The following SUPT3H variants were observed in gnomAD, a reference collection of about 807,000 sequenced individuals.
SUPT3H encodes SPT3 homolog, SAGA and STAGA complex component, also known as transcription initiation protein SPT3 homolog.
A neutral mutation model predicts 44.3 loss-of-function variants in SUPT3H; 44 were observed. That is an observed-to-expected ratio of 0.99 (90% CI 0.78 to 1.28). The LOEUF (loss-of-function observed/expected upper bound fraction) is 1.28. SUPT3H is among the 50% of genes most tolerant of loss of function. The probability of loss-of-function intolerance (pLI) is 0.00; values close to 1 mark genes in which losing one functional copy is unlikely to be tolerated. For synonymous variants in SUPT3H, 124 were observed against 125.6 expected (o/e 0.99, Z 0.09); for missense variants, 380 against 387.1 (o/e 0.98, Z 0.15).
chr6:45,003,840 T>C (rs1562239979), intron 5 of SUPT3H, 48 bp from the exon 6 acceptor site: 3 of 1,598,200 alleles, frequency 1.9e-6, no homozygotes, highest in African/African-American at 1.3e-5. Flanking sequence ...TCAATAGGTT[T>C]ACATCAGCAC....
chr6:45,200,634 T>C (rs184846898), intron 2 of SUPT3H, among the ~76,000 whole-genome samples: 1 of 151,498 alleles, frequency 6.6e-6, no homozygotes, highest in African/African-American at 2.4e-5. Flanking sequence ...TTAGAGACAA[T>C]AAAAAATGAA....
chr6:45,176,142 T>A (rs1811778493), intron 2 of SUPT3H, among the ~76,000 whole-genome samples: 1 of 151,968 alleles, frequency 6.6e-6, no homozygotes, highest in African/African-American at 2.4e-5. Context: ...ACGGGTGATT[T>A]CTGCATTTCC....
At chr6:44,900,255 G>C (rs1006786707) in intron 10 of SUPT3H, among the ~76,000 whole-genome samples, 2 of 152,226 alleles carry the variant, frequency 1.3e-5, no homozygotes, top group South Asian at 4.1e-4. Flanking sequence ...CAAGGGGTCA[G>C]GGAATTACCT....
chr6:45,239,029 T>A (rs548466383), intron 2 of SUPT3H, among the ~76,000 whole-genome samples: 5 of 152,312 alleles, frequency 3.3e-5, no homozygotes, highest in Non-Finnish European at 7.3e-5. Flanking sequence ...TTATTCTGGA[T>A]CGAAAGGTAA....
chr6:45,009,529 G>T (rs892688145), intron 5 of SUPT3H, among the ~76,000 whole-genome samples: 1 of 152,070 alleles, frequency 6.6e-6, no homozygotes, highest in East Asian at 1.9e-4. Context: ...TCTCTTGGAC[G>T]TGGATATCCA....
intron 2 of SUPT3H, among the ~76,000 whole-genome samples, chr6:45,223,086 G>GCCTTTTATTTTGTGTTTATTAC (rs1167733558): frequency 2.6e-5 from 4 of 152,034 alleles, no homozygotes; most frequent in Non-Finnish European, 5.9e-5. Context: ...AAAAGGGGAA[G>GCCTTTTATTTTGTGTTTATTAC]CAACACAAGG....
chr6:45,128,524 AAAAAAAAAAATATAT>A (rs1802813941), intron 2 of SUPT3H, among the ~76,000 whole-genome samples: 1 of 63,326 alleles, frequency 1.6e-5, no homozygotes, highest in African/African-American at 6.2e-5. Context: ...AAAAAAAAAA[AAAAAAAAAAATATAT>A]ATATATATAT....
intron 3 of SUPT3H, among the ~76,000 whole-genome samples, chr6:45,032,804 C>A (rs556661489): frequency 6.6e-6 from 1 of 152,286 alleles, no homozygotes; most frequent in South Asian, 2.1e-4. Flanking sequence ...CAACTTACCA[C>A]TCAGCACTCT....
intron 2 of SUPT3H, among the ~76,000 whole-genome samples, chr6:45,312,832 T>C (rs137957159): frequency 0.031 from 4,643 of 152,114 alleles, 89 homozygotes; most frequent in Non-Finnish European, 0.046. Context: ...AACTGCAGAA[T>C]ACACATTCTA....
chr6:45,171,016 A>C (rs1207262656), intron 2 of SUPT3H, among the ~76,000 whole-genome samples: 2 of 152,230 alleles, frequency 1.3e-5, no homozygotes, highest in African/African-American at 4.8e-5. Flanking sequence ...AGGCAAGTCA[A>C]GTAAGCTCTC....
chr6:44,852,841 C>T (rs1333843552), intron 10 of SUPT3H, among the ~76,000 whole-genome samples: 1 of 152,052 alleles, frequency 6.6e-6, no homozygotes, highest in Admixed American at 6.6e-5. Flanking sequence ...GTGAGCTGAC[C>T]TTAGGGCAAG....
intron 3 of SUPT3H, among the ~76,000 whole-genome samples, chr6:45,084,432 C>T (rs1162012417): frequency 6.6e-6 from 1 of 151,928 alleles, no homozygotes; most frequent in Admixed American, 6.6e-5. Flanking sequence ...AAATCAAAAC[C>T]ACAATGAGGT....
chr6:45,057,338 T>TA, intron 3 of SUPT3H, among the ~76,000 whole-genome samples: 1 of 152,178 alleles, frequency 6.6e-6, no homozygotes. Context: ...TAGACATATG[T>TA]AAAAGTACAT....
chr6:45,061,394 G>A (rs538040305), intron 3 of SUPT3H, among the ~76,000 whole-genome samples: 70 of 152,228 alleles, frequency 4.6e-4, no homozygotes, highest in African/African-American at 1.7e-3. Flanking sequence ...GGAGCCAAAC[G>A]ATGAGAACAC....
chr6:45,102,648 T>TA (rs1798737138), intron 3 of SUPT3H, among the ~76,000 whole-genome samples: 1 of 152,180 alleles, frequency 6.6e-6, no homozygotes, highest in South Asian at 2.1e-4. Flanking sequence ...ACAAAGCTAT[T>TA]ATAAAGATGT....
chr6:45,014,816 C>T lies in SUPT3H; in HGVS notation c.349G>A (p.Asp117Asn), dbSNP rs547611945. 1 of 1,590,572 alleles carries T rather than the reference C, an allele frequency of 6.3e-7. No individual in the cohort carries two copies. The highest frequency in any genetic ancestry group is 1.3e-5 in the African/African-American group (1 of 74,160). The change falls in exon 5 of 11, where the codon GAT becomes AAT. Residue 117 changes from aspartate (D) to asparagine (N), a missense_variant. Coordinates refer to ENST00000371459, the MANE Select transcript of SUPT3H (RefSeq NM_003599.4). ...TTTTGGTTACCTTCGAGAAGATCAT[C>T]CTCATCGATGCCTTTGACAATCTTT... is the stretch of plus-strand genomic sequence containing the variant. Reference protein sequence around the residue: ...KSKIVKGIDEDDLLEDKLSGS... With the variant: ...KSKIVKGIDENDLLEDKLSGS...
chr6:45,070,739 C>CAAA (rs11393241), intron 3 of SUPT3H, among the ~76,000 whole-genome samples: 3,476 of 102,832 alleles, frequency 0.034, 123 homozygotes, highest in Non-Finnish European at 0.039. Context: ...CTGTCTCAAA[C>CAAA]AAAAAAAAAA....
intron 3 of SUPT3H, among the ~76,000 whole-genome samples, chr6:45,030,888 G>A (rs1036287974): frequency 1.2e-4 from 19 of 152,244 alleles, no homozygotes; most frequent in Admixed American, 1.2e-3. Context: ...AGAGGGCAAG[G>A]ATCTGCTATG....
At chr6:44,959,444 G>T (rs764905656) in intron 7 of SUPT3H, among the ~76,000 whole-genome samples, 1 of 151,922 alleles carries the variant, frequency 6.6e-6, no homozygotes, top group Non-Finnish European at 1.5e-5. Context: ...AAAATACACA[G>T]AGCCTCTCTG....
Sources: gnomAD v4.1 joint callset for allele counts (sites outside exome capture counted in the v4.1 genomes callset) on GRCh38, gnomAD v4.1.1 for gene constraint, MANE v1.5 for transcripts, NCBI Gene and HGNC (gene_info 2026-07-23, HGNC 2026-07-21) for gene names.